SYT14: variants seen among roughly 807,000 people sequenced by gnomAD.
The protein encoded by SYT14 is synaptotagmin 14.
Under a neutral mutation model 74.2 loss-of-function variants are expected in SYT14, and 32 were observed. That is an observed-to-expected ratio of 0.43 (90% confidence interval 0.33 to 0.58). The LOEUF is 0.58. Ranked by LOEUF, SYT14 falls within the 20% of genes least tolerant of loss-of-function variation. SYT14 has a pLI of 0.05. For synonymous variants in SYT14, 298 were observed against 337.7 expected (o/e 0.88, Z 1.29); for missense variants, 791 against 981.8 (o/e 0.81, Z 2.60).
intron 7 of SYT14, among the ~76,000 whole-genome samples, chr1:210,140,875 G>C (rs1400350305): frequency 3.3e-5 from 5 of 152,000 alleles, no homozygotes; most frequent in African/African-American, 1.2e-4. Flanking sequence ...CCTTCTGCCA[G>C]TACCACACTT....
At chr1:209,980,791 G>C (rs543194028) in intron 2 of SYT14, among the ~76,000 whole-genome samples, 1 of 152,172 alleles carries the variant, frequency 6.6e-6, no homozygotes, top group Non-Finnish European at 1.5e-5. Context: ...TTTCTATTCT[G>C]TTCCATTGGT....
intron 5 of SYT14, among the ~76,000 whole-genome samples, chr1:210,040,546 G>A (rs978754): frequency 0.17 from 25,248 of 151,726 alleles, 6,667 homozygotes; most frequent in African/African-American, 0.56. Flanking sequence ...AGTGATATTA[G>A]CTCTACATAG....
At chr1:210,003,058 T>C (rs2079929922) in intron 2 of SYT14, among the ~76,000 whole-genome samples, 1 of 152,196 alleles carries the variant, frequency 6.6e-6, no homozygotes, top group Non-Finnish European at 1.5e-5. Context: ...TCTACAAAAT[T>C]GATTGGCTAA....
chr1:209,957,382 C>T (rs1284685481), intron 2 of SYT14, among the ~76,000 whole-genome samples: 2 of 152,016 alleles, frequency 1.3e-5, no homozygotes, highest in Non-Finnish European at 2.9e-5. Flanking sequence ...TATTAGCATT[C>T]TCTGTATTCA....
chr1:210,148,482 C>T (rs61827910), intron 7 of SYT14, among the ~76,000 whole-genome samples: 2,555 of 149,320 alleles, frequency 0.017, 25 homozygotes, highest in Middle Eastern at 0.034. Flanking sequence ...GCACTCCAGC[C>T]TGGGCGACAG....
intron 2 of SYT14, chr1:209,953,026 T>G: frequency 7.1e-7 from 1 of 1,407,438 alleles, no homozygotes; most frequent in Non-Finnish European, 9.4e-7. Flanking sequence ...AGGCAAAGAA[T>G]GGAGGGTTTG....
chr1:210,144,065 C>G (rs2082979270), intron 7 of SYT14, among the ~76,000 whole-genome samples: 1 of 152,124 alleles, frequency 6.6e-6, no homozygotes, highest in Non-Finnish European at 1.5e-5. Context: ...AACTGTCTTA[C>G]TCCAAAGCAC....
chr1:209,940,776 C>T (rs1219965087), intron 1 of SYT14, among the ~76,000 whole-genome samples: 2 of 152,094 alleles, frequency 1.3e-5, no homozygotes, highest in Non-Finnish European at 2.9e-5. Flanking sequence ...ATAAAATATC[C>T]ACTTCCCTCC....
At chr1:210,095,982 T>C (rs2081960756) in intron 6 of SYT14, among the ~76,000 whole-genome samples, 1 of 152,208 alleles carries the variant, frequency 6.6e-6, no homozygotes, top group Non-Finnish European at 1.5e-5. Context: ...AAGCCTGGAT[T>C]GTGGGATTAA....
chr1:210,041,981 T>C (rs1326273997), intron 5 of SYT14, among the ~76,000 whole-genome samples: 1 of 152,060 alleles, frequency 6.6e-6, no homozygotes. Context: ...CTGGGATCAC[T>C]GAGCCAAGCG....
chr1:210,119,559 A>C (rs2082419114), intron 7 of SYT14, among the ~76,000 whole-genome samples: 1 of 152,210 alleles, frequency 6.6e-6, no homozygotes, highest in Non-Finnish European at 1.5e-5. Context: ...AAAGATATCT[A>C]TTTGAAAGTT....
chr1:210,069,247 T>G (rs1332806621), intron 5 of SYT14, among the ~76,000 whole-genome samples: 2 of 151,966 alleles, frequency 1.3e-5, no homozygotes, highest in Non-Finnish European at 2.9e-5. Context: ...AGAGTATGCA[T>G]TCTCTAATTC....
At chr1:210,100,408 C>T in exon 7 of SYT14, 1 of 1,613,448 alleles carries the variant, frequency 6.2e-7, no homozygotes, top group Non-Finnish European at 8.5e-7. Flanking sequence ...AAAATTGAAT[C>T]TTCAAGGGAA....
chr1:209,957,220 T>C (rs1252685575), intron 2 of SYT14, among the ~76,000 whole-genome samples: 1 of 152,138 alleles, frequency 6.6e-6, no homozygotes, highest in African/African-American at 2.4e-5. Flanking sequence ...TTAGCCCCCA[T>C]TGCTGTCTTC....
chr1:210,020,899 G>A (rs1489715457), intron 4 of SYT14, 140 bp from the exon 4 acceptor site: 1 of 677,940 alleles, frequency 1.5e-6, no homozygotes, highest in African/African-American at 1.8e-5. Context: ...ATGTATATGT[G>A]TGTGTTTATA....
chr1:210,137,466 A>T (rs573708893), intron 7 of SYT14, among the ~76,000 whole-genome samples: 1 of 152,184 alleles, frequency 6.6e-6, no homozygotes, highest in Non-Finnish European at 1.5e-5. Flanking sequence ...ACTTCTTAGT[A>T]AAAAGACCAT....
At chr1:210,012,139 C>T (rs993153201) in intron 2 of SYT14, among the ~76,000 whole-genome samples, 6 of 152,076 alleles carry the variant, frequency 3.9e-5, no homozygotes, top group African/African-American at 1.2e-4. Context: ...GTTATTTCTG[C>T]CTGAAGTGAT....
At chr1:210,123,823 T>C (rs1435797683) in intron 7 of SYT14, among the ~76,000 whole-genome samples, 1 of 151,934 alleles carries the variant, frequency 6.6e-6, no homozygotes, top group Non-Finnish European at 1.5e-5. Context: ...AATAAAATTA[T>C]GCAACAGAAA....
At chr1:210,170,166 A>G (rs886958997) in exon 10 of SYT14, 1 of 152,288 alleles carries the variant, frequency 6.6e-6, no homozygotes, top group Admixed American at 6.5e-5. Flanking sequence ...AATTGTCTCC[A>G]GCATATTTGC....
Sources: allele counts gnomAD v4.1 joint callset (sites outside exome capture counted in the v4.1 genomes callset), GRCh38; gene constraint gnomAD v4.1.1; transcripts MANE v1.5; gene names NCBI Gene and HGNC (gene_info 2026-07-23, HGNC 2026-07-21).